The following LIN7A variants were observed in gnomAD, a reference collection of about 807,000 sequenced individuals.
LIN7A encodes the protein lin-7 cell polarity scaffold A, also known as protein lin-7 homolog A.
In LIN7A, 25 loss-of-function variants were observed where a neutral mutation model predicts 29.8. The observed-to-expected ratio is 0.84, with a 90% CI of 0.61 to 1.17. The LOEUF (loss-of-function observed/expected upper bound fraction) is 1.17. Among genes scored for constraint, LIN7A ranks in the 50% most tolerant of loss-of-function variants. The probability of loss-of-function intolerance (pLI) is 0.00; values close to 1 mark genes in which losing one functional copy is unlikely to be tolerated. For synonymous variants in LIN7A, 118 were observed against 107.5 expected, an observed-to-expected ratio of 1.10 and a Z score of -0.60; for missense variants, 239 against 287.0, an observed-to-expected ratio of 0.83 and a Z score of 1.21.
chr12:80,803,602 C>G (rs1165079141), intron 5 of LIN7A, among the ~76,000 whole-genome samples: 2 of 152,018 alleles, frequency 1.3e-5, no homozygotes, highest in South Asian at 2.1e-4. Context: ...GTTGATTTGG[C>G]TATTTGATGT....
intron 4 of LIN7A, among the ~76,000 whole-genome samples, chr12:80,829,928 C>T (rs1195897279): frequency 1.3e-5 from 2 of 152,200 alleles, no homozygotes; most frequent in East Asian, 1.9e-4. Flanking sequence ...ACATTGCAAT[C>T]ATAGTAATCA....
chr12:80,925,237 A>G (rs1345109704), intron 1 of LIN7A, among the ~76,000 whole-genome samples: 2 of 152,276 alleles, frequency 1.3e-5, no homozygotes, highest in East Asian at 3.8e-4. Flanking sequence ...TTCTAATAGA[A>G]TTATTTAAAA....
intron 4 of LIN7A, among the ~76,000 whole-genome samples, chr12:80,839,015 T>A (rs1003456092): frequency 3.9e-5 from 6 of 152,356 alleles, no homozygotes; most frequent in African/African-American, 1.4e-4. Flanking sequence ...ACTGAGCCAT[T>A]TGAATCAGAG....
intron 4 of LIN7A, among the ~76,000 whole-genome samples, chr12:80,836,298 A>C (rs1392745975): frequency 1.3e-5 from 2 of 152,150 alleles, no homozygotes; most frequent in Admixed American, 1.3e-4. Context: ...CTTTCTTATG[A>C]TAACAGACTC....
At chr12:80,935,552 A>G (rs1021515612) in intron 1 of LIN7A, among the ~76,000 whole-genome samples, 1 of 152,302 alleles carries the variant, frequency 6.6e-6, no homozygotes, top group Non-Finnish European at 1.5e-5. Context: ...TTAAAAATGC[A>G]CCTTTTTTGA....
Position 80,863,853 on chromosome 12 carries a change from A to G in LIN7A, c.202-15531T>C, listed in dbSNP as rs549066105. On this transcript the variant is annotated intron_variant, in intron 2 of 5. Coordinates refer to ENST00000552864, the MANE Select transcript of LIN7A (RefSeq NM_004664.4). ...ACATTTCTTTTGCATATAAGCTGGA[A>G]ACTCTTTTTTAACAGCTAACTAATG... 3.9e-5 allele frequency among the ~76,000 whole-genome samples: 6 copies of G among 152,244 alleles called. No individual in the cohort carries two copies. The South Asian group carries it at 1.2e-3, about 32-fold the overall frequency.
intron 4 of LIN7A, among the ~76,000 whole-genome samples, chr12:80,834,166 T>A (rs939839919): frequency 6.6e-6 from 1 of 152,194 alleles, no homozygotes; most frequent in Non-Finnish European, 1.5e-5. Flanking sequence ...CTACCACATA[T>A]ATAGTGATTA....
chr12:80,816,754 T>C (rs1449845074), intron 4 of LIN7A, among the ~76,000 whole-genome samples: 1 of 151,808 alleles, frequency 6.6e-6, no homozygotes, highest in Non-Finnish European at 1.5e-5. Context: ...GGCTGGTAAA[T>C]GAACCAAGGT....
intron 5 of LIN7A, among the ~76,000 whole-genome samples, chr12:80,799,014 G>T (rs562002135): frequency 1.3e-5 from 2 of 152,264 alleles, no homozygotes; most frequent in South Asian, 2.1e-4. Flanking sequence ...TTACAGGTGT[G>T]AGCCACCGTG....
chr12:80,834,427 T>A (rs770459197), intron 4 of LIN7A, among the ~76,000 whole-genome samples: 5 of 152,196 alleles, frequency 3.3e-5, no homozygotes, highest in Non-Finnish European at 5.9e-5. Context: ...TTGGTGTCAC[T>A]GAAGGGCAAG....
chr12:80,893,250 G>T (rs1875718760), intron 1 of LIN7A, among the ~76,000 whole-genome samples: 1 of 152,156 alleles, frequency 6.6e-6, no homozygotes, highest in Non-Finnish European at 1.5e-5. Context: ...GCCCACAGAT[G>T]ACAGCAATTA....
intron 5 of LIN7A, among the ~76,000 whole-genome samples, chr12:80,802,564 G>T (rs542590418): frequency 7.4e-4 from 112 of 152,058 alleles, no homozygotes; most frequent in African/African-American, 2.6e-3. Context: ...CAAAATGGCT[G>T]TATTAATTTA....
At chr12:80,904,817 A>T (rs550859790) in intron 1 of LIN7A, among the ~76,000 whole-genome samples, 37 of 152,326 alleles carry the variant, frequency 2.4e-4, no homozygotes, top group African/African-American at 8.2e-4. Flanking sequence ...TATGCTTCAT[A>T]TATACCTATA....
At chr12:80,927,369 T>C (rs1327353913) in intron 1 of LIN7A, among the ~76,000 whole-genome samples, 1 of 152,032 alleles carries the variant, frequency 6.6e-6, no homozygotes. Flanking sequence ...CACCGTGGTC[T>C]GGAGCTCCTG....
intron 4 of LIN7A, among the ~76,000 whole-genome samples, chr12:80,842,788 G>T (rs1304308969): frequency 1.3e-5 from 2 of 152,070 alleles, no homozygotes; most frequent in Non-Finnish European, 2.9e-5. Flanking sequence ...CTTATTTACA[G>T]AAAACTGCTT....
rs1870280447 is a variant in LIN7A at position 80,793,116 on chromosome 12, G to A, written c.*4611C>T. 1 of 152,090 alleles carries A rather than the reference G, an allele frequency of 6.6e-6. No individual in the cohort carries two copies. The highest frequency in any genetic ancestry group is 2.1e-4 in the South Asian group (1 of 4,818). 9.4% of individuals were successfully genotyped at this position (152,090 alleles called of 1,614,324 possible). A position where few individuals can be genotyped will look rare whatever the true frequency, so the allele number is the denominator to read the frequency against. On this transcript the variant is annotated 3_prime_UTR_variant, in exon 6 of 6. Coordinates refer to ENST00000552864, the MANE Select transcript of LIN7A (RefSeq NM_004664.4). ...GACACATGAACTCTTGTGTCAGATTGCATGGGTTCAAATCCCAGTTCCACC... is the reference window on the plus strand; with the variant it reads ...GACACATGAACTCTTGTGTCAGATTACATGGGTTCAAATCCCAGTTCCACC...
chr12:80,901,741 T>C (rs1189156324), intron 1 of LIN7A, among the ~76,000 whole-genome samples: 1 of 148,964 alleles, frequency 6.7e-6, no homozygotes, highest in Non-Finnish European at 1.5e-5. Context: ...AATGGATGAA[T>C]ATTTTTATCT....
At chr12:80,844,820 T>C (rs1192974540) in intron 4 of LIN7A, among the ~76,000 whole-genome samples, 2 of 152,206 alleles carry the variant, frequency 1.3e-5, no homozygotes, top group Non-Finnish European at 1.5e-5. Flanking sequence ...AAATGTTACA[T>C]ATTTTAATTT....
At chr12:80,884,833 G>A (rs1470071270) in intron 2 of LIN7A, among the ~76,000 whole-genome samples, 1 of 152,072 alleles carries the variant, frequency 6.6e-6, no homozygotes, top group Non-Finnish European at 1.5e-5. Flanking sequence ...TGTGTTCTGC[G>A]TTTTTGCTTC....
Sources: allele counts gnomAD v4.1 joint callset (sites outside exome capture counted in the v4.1 genomes callset), GRCh38; gene constraint gnomAD v4.1.1; transcripts MANE v1.5; gene names NCBI Gene and HGNC (gene_info 2026-07-23, HGNC 2026-07-21).